PTPRT: variants seen among roughly 807,000 people sequenced by gnomAD.
PTPRT encodes receptor-type tyrosine-protein phosphatase T.
A neutral mutation model predicts 176.8 loss-of-function variants in PTPRT; 56 were observed. The ratio of observed to expected loss-of-function variants is 0.32; its 90% CI spans 0.26 to 0.40. PTPRT has a LOEUF of 0.40. Among genes scored for constraint, PTPRT ranks in the 10% least tolerant of loss-of-function variants. The pLI, the probability that PTPRT is intolerant of heterozygous loss-of-function variation, is 1.00. For synonymous variants in PTPRT, 783 were observed against 739.0 expected (o/e 1.06, Z -0.96); for missense variants, 1,540 against 1,908.2 (o/e 0.81, Z 3.60).
intron 1 of PTPRT, among the ~76,000 whole-genome samples, chr20:42,893,518 C>T (rs2079232927): frequency 6.6e-6 from 1 of 151,330 alleles, no homozygotes; most frequent in Non-Finnish European, 1.5e-5. Flanking sequence ...TGGGTATATA[C>T]CCAAAGGACT....
At chr20:42,749,116 G>A (rs1250364604) in intron 6 of PTPRT, among the ~76,000 whole-genome samples, 3 of 152,118 alleles carry the variant, frequency 2.0e-5, no homozygotes, top group African/African-American at 7.2e-5. Context: ...ACCAGAGAAA[G>A]GAAGAACAGC....
intron 7 of PTPRT, among the ~76,000 whole-genome samples, chr20:42,572,470 C>G (rs1359675863): frequency 1.3e-5 from 2 of 152,098 alleles, no homozygotes; most frequent in Non-Finnish European, 2.9e-5. Flanking sequence ...CACCCACAGG[C>G]CATGCTCTCA....
At chr20:42,037,588 C>T in the PTPRT span, among the ~76,000 whole-genome samples, 2 of 152,152 alleles carry the variant, frequency 1.3e-5, no homozygotes. Context: ...ACTGACATTT[C>T]AGTAATGACA....
chr20:42,645,769 T>C (rs1228219475), intron 7 of PTPRT, among the ~76,000 whole-genome samples: 3 of 109,660 alleles, frequency 2.7e-5, no homozygotes, highest in Non-Finnish European at 6.1e-5. Flanking sequence ...TATTTATGTG[T>C]GTGTGTGTGT....
chr20:42,872,577 C>G (rs2078863818), intron 2 of PTPRT, among the ~76,000 whole-genome samples: 1 of 152,196 alleles, frequency 6.6e-6, no homozygotes, highest in South Asian at 2.1e-4. Context: ...GTTAGGACCA[C>G]AGGAGTCTTC....
chr20:42,943,035 T>C (rs1227227598), intron 1 of PTPRT, among the ~76,000 whole-genome samples: 1 of 152,208 alleles, frequency 6.6e-6, no homozygotes, highest in Non-Finnish European at 1.5e-5. Flanking sequence ...TCGTTTGTTG[T>C]CATTTACAGT....
At chr20:42,398,849 C>G (rs2058876956) in intron 9 of PTPRT, among the ~76,000 whole-genome samples, 1 of 152,190 alleles carries the variant, frequency 6.6e-6, no homozygotes, top group Non-Finnish European at 1.5e-5. Context: ...AGCTGTTCTG[C>G]TAGAACTGCT....
chr20:42,163,237 A>G (rs1989686172), intron 16 of PTPRT, among the ~76,000 whole-genome samples: 1 of 152,096 alleles, frequency 6.6e-6, no homozygotes, highest in Non-Finnish European at 1.5e-5. Flanking sequence ...GGTCTCTAAA[A>G]CTTCCTAATT....
intron 1 of PTPRT, among the ~76,000 whole-genome samples, chr20:42,990,050 AT>A (rs1165582123): frequency 1.3e-5 from 2 of 152,246 alleles, no homozygotes; most frequent in African/African-American, 4.8e-5. Context: ...AAACAAAAAA[AT>A]GTGCCTAAGT....
intron 2 of PTPRT, among the ~76,000 whole-genome samples, chr20:42,835,955 A>AT (rs1415374611): frequency 1.5e-4 from 23 of 152,108 alleles, no homozygotes; most frequent in Non-Finnish European, 2.4e-4. Flanking sequence ...TTTCTACGAG[A>AT]TAGCACGTTG....
intron 9 of PTPRT, among the ~76,000 whole-genome samples, chr20:42,447,589 T>G (rs923018650): frequency 6.6e-6 from 1 of 152,222 alleles, no homozygotes; most frequent in African/African-American, 2.4e-5. Context: ...TGCAATAAAC[T>G]TTCATACAGT....
intron 7 of PTPRT, among the ~76,000 whole-genome samples, chr20:42,534,814 T>C (rs1040957403): frequency 6.6e-6 from 1 of 152,082 alleles, no homozygotes; most frequent in Non-Finnish European, 1.5e-5. Context: ...CTCTGCTCGA[T>C]TGCTCCCTCT....
chr20:42,972,669 C>CA (rs1491164378), intron 1 of PTPRT, among the ~76,000 whole-genome samples: 48 of 6,316 alleles, frequency 7.6e-3, no homozygotes, highest in Non-Finnish European at 0.016. Context: ...GACTCCGTCT[C>CA]AAAAAGCAAA....
intron 12 of PTPRT, among the ~76,000 whole-genome samples, chr20:42,292,828 T>C (rs550792503): frequency 6.6e-6 from 1 of 152,280 alleles, no homozygotes; most frequent in East Asian, 1.9e-4. Flanking sequence ...TCAGAACCAT[T>C]AGGACTACGT....
chr20:42,163,454 A>G (rs924623815), intron 16 of PTPRT, among the ~76,000 whole-genome samples: 4 of 152,202 alleles, frequency 2.6e-5, no homozygotes, highest in Non-Finnish European at 5.9e-5. Flanking sequence ...TAGCTAGTAC[A>G]TGTTCACTGG....
intron 5 of PTPRT, among the ~76,000 whole-genome samples, chr20:42,757,040 G>A (rs568051730): frequency 7.0e-6 from 1 of 143,690 alleles, no homozygotes; most frequent in Non-Finnish European, 1.5e-5. Context: ...ACAGAGGAAG[G>A]CCCTGCCTCT....
chr20:42,231,474 A>C (rs1408149211), intron 15 of PTPRT, among the ~76,000 whole-genome samples: 1 of 152,228 alleles, frequency 6.6e-6, no homozygotes, highest in Non-Finnish European at 1.5e-5. Context: ...GTAAGTATAT[A>C]TAGTAGGGAC....
chr20:42,609,716 A>G lies in PTPRT; in HGVS notation c.1153+68150T>C, dbSNP rs190408912. Among the ~76,000 whole-genome samples, 43 of 152,314 alleles carry G rather than the reference A, an allele frequency of 2.8e-4. No individual in the cohort carries two copies. The East Asian group carries it at 7.7e-3, about 27-fold the overall frequency. On this transcript the variant is annotated intron_variant, in intron 7 of 30. Transcript: ENST00000373187. ...TTCCTCTAGGAGAAGGGCAAGGAAC[A>G]GGGCGGCCCAGGGATGTGTGCTGTC... is the stretch of plus-strand genomic sequence containing the variant.
chr20:42,737,034 C>T (rs1026806242), intron 6 of PTPRT, among the ~76,000 whole-genome samples: 1 of 152,198 alleles, frequency 6.6e-6, no homozygotes, highest in Admixed American at 6.5e-5. Context: ...AAAGCCAATA[C>T]ACATGGGTGC....
Sources: allele counts gnomAD v4.1 joint callset (sites outside exome capture counted in the v4.1 genomes callset), GRCh38; gene constraint gnomAD v4.1.1; transcripts MANE v1.5; gene names NCBI Gene and HGNC (gene_info 2026-07-23, HGNC 2026-07-21).